The following PPP2R3A variants were observed in gnomAD, a reference collection of about 807,000 sequenced individuals.
PPP2R3A encodes the protein serine/threonine-protein phosphatase 2A regulatory subunit B'' subunit alpha.
Under a neutral mutation model 106.9 loss-of-function variants are expected in PPP2R3A, and 80 were observed. The observed-to-expected ratio is 0.75, with a 90% CI of 0.62 to 0.90. The LOEUF (loss-of-function observed/expected upper bound fraction) is 0.90, where lower values mean the gene tolerates loss of function less well. PPP2R3A is among the 40% of genes least tolerant of loss of function. The pLI is 0.00. For missense variants in PPP2R3A, 1,386 were observed against 1,350.4 expected, an observed-to-expected ratio of 1.03 and a Z score of -0.41; for synonymous variants, 483 against 468.3, an observed-to-expected ratio of 1.03 and a Z score of -0.41.
intron 13 of PPP2R3A, among the ~76,000 whole-genome samples, chr3:136,109,749 G>T (rs1330220609): frequency 6.6e-6 from 1 of 152,082 alleles, no homozygotes; most frequent in Non-Finnish European, 1.5e-5. Flanking sequence ...CCACATAAAA[G>T]TAAGAAATAC....
At chr3:136,045,504 T>C (rs548390647) in intron 4 of PPP2R3A, among the ~76,000 whole-genome samples, 1 of 152,312 alleles carries the variant, frequency 6.6e-6, no homozygotes, top group East Asian at 1.9e-4. Flanking sequence ...AGCCTGGCAG[T>C]CTGGAACACC....
At chr3:136,144,656 G>A (rs531636423) in intron 13 of PPP2R3A, among the ~76,000 whole-genome samples, 3 of 147,804 alleles carry the variant, frequency 2.0e-5, no homozygotes, top group Admixed American at 1.3e-4. Context: ...GCAAGGCTCC[G>A]TCTCAAAAAA....
intron 2 of PPP2R3A, among the ~76,000 whole-genome samples, chr3:136,011,608 A>G (rs1168451442): frequency 6.6e-6 from 1 of 152,192 alleles, no homozygotes; most frequent in African/African-American, 2.4e-5. Flanking sequence ...ATCTTCAGAA[A>G]TTGGATAAAA....
intron 10 of PPP2R3A, among the ~76,000 whole-genome samples, chr3:136,096,026 A>C (rs1052983588): frequency 2.0e-5 from 3 of 152,190 alleles, no homozygotes. Flanking sequence ...CTTAGCCTAC[A>C]TTTGGGCAAA....
At chr3:136,030,622 C>G (rs1934837035) in intron 3 of PPP2R3A, among the ~76,000 whole-genome samples, 1 of 152,048 alleles carries the variant, frequency 6.6e-6, no homozygotes, top group Non-Finnish European at 1.5e-5. Context: ...CATAGCTTAG[C>G]TCCCACTTAT....
At chr3:136,092,323 T>TC (rs764238110) in intron 10 of PPP2R3A, among the ~76,000 whole-genome samples, 1 of 152,026 alleles carries the variant, frequency 6.6e-6, no homozygotes, top group East Asian at 1.9e-4. Context: ...AGAGCAAAAC[T>TC]CCATCACCAA....
Position 136,102,065 on chromosome 3 carries a change from G to A in PPP2R3A, c.2986G>A (p.Glu996Lys), listed in dbSNP as rs371001771. Reference protein sequence around the residue: ...VDGDGVLSMYELEYFYEEQCE... With the variant: ...VDGDGVLSMYKLEYFYEEQCE... ...TGGAGACGGTGTACTCTCCATGTATGAGCTGGAGTACTTCTATGAGGAGCA... is the reference window on the plus strand; with the variant it reads ...TGGAGACGGTGTACTCTCCATGTATAAGCTGGAGTACTTCTATGAGGAGCA... The change falls in exon 11 of 14, where the codon GAG becomes AAG. Residue 996 changes from glutamate to lysine, a missense_variant. Transcript: ENST00000264977. 1.0e-4 allele frequency: 164 copies of A among 1,613,964 alleles called. No individual in the cohort carries two copies. The highest frequency in any genetic ancestry group is 1.3e-4 in the Non-Finnish European group (154 of 1,179,984).
chr3:136,012,548 A>G (rs1452250775), intron 2 of PPP2R3A, among the ~76,000 whole-genome samples: 3 of 152,280 alleles, frequency 2.0e-5, no homozygotes, highest in East Asian at 1.9e-4. Flanking sequence ...CAAATAAACT[A>G]TAGATAACTA....
chr3:136,001,075 C>T lies in PPP2R3A; in HGVS notation c.-424C>T, dbSNP rs1933606023. ...TTATTACAGGTTTCTCTGTCATTCA[C>T]AGAAAAATGAATCATTTAAACCTTT... On this transcript the variant is annotated 5_prime_UTR_variant, in exon 2 of 14. Coordinates refer to ENST00000264977, the MANE Select transcript of PPP2R3A (RefSeq NM_002718.5). The T allele has an allele frequency of 5.0e-6, 2 of 397,582 alleles. No homozygotes were observed. Among genetic ancestry groups the T allele is most frequent in the Non-Finnish European group, 4.4e-6 (1 of 225,666 alleles). The allele number at this position is 397,582 out of a possible 1,614,324, so 24.6% of individuals were successfully genotyped here.
intron 13 of PPP2R3A, among the ~76,000 whole-genome samples, chr3:136,140,907 A>AAAAT (rs745803745): frequency 6.6e-6 from 1 of 152,236 alleles, no homozygotes; most frequent in Non-Finnish European, 1.5e-5. Context: ...CTCTGTCTCA[A>AAAAT]AAATAAATGA....
intron 4 of PPP2R3A, among the ~76,000 whole-genome samples, chr3:136,049,019 G>A (rs1298732473): frequency 6.6e-6 from 1 of 152,064 alleles, no homozygotes; most frequent in Non-Finnish European, 1.5e-5. Context: ...TACCATCAAG[G>A]TCAAGGCCTT....
intron 7 of PPP2R3A, chr3:136,079,355 T>G (rs768023853): frequency 2.2e-5 from 5 of 227,282 alleles, no homozygotes; most frequent in Admixed American, 9.8e-5. Flanking sequence ...TCCCCCACTT[T>G]CCTGAAGCAC....
intron 13 of PPP2R3A, among the ~76,000 whole-genome samples, chr3:136,111,841 T>TA (rs971282541): frequency 9.3e-5 from 14 of 151,206 alleles, no homozygotes; most frequent in Admixed American, 4.0e-4. Context: ...GCAGACACAA[T>TA]AAAAAAAACT....
rs201690066 is a variant in PPP2R3A, at chr3:136,087,860, A to AT, written c.2789-13dup. The AT allele has an allele frequency of 4.5e-3, 6,293 of 1,404,302 alleles. 1 individual carries two copies. Among genetic ancestry groups the AT allele is most frequent in the Middle Eastern group, 0.019 (100 of 5,290 alleles). 87.0% of individuals were successfully genotyped at this position (1,404,302 alleles called of 1,614,324 possible). A position where few individuals can be genotyped will look rare whatever the true frequency, so the allele number is the denominator to read the frequency against. ...GAGCATGTTTCTAACTAGCTTTGCAATTTTTTTTTTATCTACATTTAGCTT... is the reference window on the plus strand; with the variant it reads ...GAGCATGTTTCTAACTAGCTTTGCAATTTTTTTTTTTATCTACATTTAGCTT... On this transcript the variant is annotated intron_variant, in intron 8 of 13. Coordinates refer to ENST00000264977, the MANE Select transcript of PPP2R3A (RefSeq NM_002718.5).
intron 1 of PPP2R3A, among the ~76,000 whole-genome samples, chr3:135,988,841 T>C (rs1933037926): frequency 6.6e-6 from 1 of 152,282 alleles, no homozygotes; most frequent in South Asian, 2.1e-4. Context: ...ATTAATTAAA[T>C]ATTTTTGGTG....
intron 2 of PPP2R3A, among the ~76,000 whole-genome samples, chr3:136,004,425 G>A (rs1307038537): frequency 6.6e-6 from 1 of 152,154 alleles, no homozygotes; most frequent in Non-Finnish European, 1.5e-5. Context: ...CACTGAAGGA[G>A]GGGAACAAAG....
At position 136,102,193 on chromosome 3, in the gene PPP2R3A, G is replaced by T. The variant is rs1204159448; in HGVS notation, c.3103+11G>T. The T allele has an allele frequency of 1.2e-6, 2 of 1,612,278 alleles. No individual in the cohort carries two copies. The highest frequency in any genetic ancestry group is 2.2e-5 in the South Asian group (2 of 90,982). Reference sequence around the variant, plus strand: ...AGCCAGCTGTTGATGGTGAGACCAAGCAATGGGACAGATGCACTGTTCACC... The same window carrying T: ...AGCCAGCTGTTGATGGTGAGACCAATCAATGGGACAGATGCACTGTTCACC... On this transcript the variant is annotated intron_variant, in intron 11 of 13. Coordinates refer to ENST00000264977, the MANE Select transcript of PPP2R3A (RefSeq NM_002718.5).
intron 3 of PPP2R3A, among the ~76,000 whole-genome samples, chr3:136,032,628 G>A (rs548014637): frequency 1.8e-4 from 27 of 151,710 alleles, no homozygotes; most frequent in East Asian, 1.6e-3. Context: ...TCTGCCTCCC[G>A]GGTTGACACC....
intron 2 of PPP2R3A, among the ~76,000 whole-genome samples, chr3:136,010,839 A>G (rs921001919): frequency 1.3e-5 from 2 of 152,148 alleles, no homozygotes; most frequent in Admixed American, 1.3e-4. Context: ...CCCTGCAGTC[A>G]TCAGTTTTTC....
Sources: allele counts gnomAD v4.1 joint callset (sites outside exome capture counted in the v4.1 genomes callset), GRCh38; gene constraint gnomAD v4.1.1; transcripts MANE v1.5; gene names NCBI Gene and HGNC (gene_info 2026-07-23, HGNC 2026-07-21).